Variants in THSD7B observed in about 807,000 individuals in gnomAD.
THSD7B encodes the protein thrombospondin type-1 domain-containing protein 7B.
In THSD7B, 138 loss-of-function variants were observed where a neutral mutation model predicts 213.6. That is an observed-to-expected ratio of 0.65 (90% CI 0.56 to 0.74). The LOEUF (loss-of-function observed/expected upper bound fraction) is 0.74, where lower values mean the gene tolerates loss of function less well. Ranked by LOEUF, THSD7B falls within the 30% of genes least tolerant of loss-of-function variation. The probability of loss-of-function intolerance (pLI) is 0.00; values close to 1 mark genes in which losing one functional copy is unlikely to be tolerated. For missense variants in THSD7B, 1,931 were observed against 1,991.5 expected (o/e 0.97, Z 0.58); for synonymous variants, 742 against 687.0 (o/e 1.08, Z -1.25).
intron 19 of THSD7B, among the ~76,000 whole-genome samples, chr2:137,620,093 A>T (rs977332922): frequency 6.6e-6 from 1 of 152,228 alleles, no homozygotes; most frequent in African/African-American, 2.4e-5. Context: ...ACAAGAAAAA[A>T]AATAAACGGT....
intron 1 of THSD7B, among the ~76,000 whole-genome samples, chr2:136,804,346 A>G (rs1428300444): frequency 1.3e-5 from 2 of 151,816 alleles, no homozygotes; most frequent in African/African-American, 4.8e-5. Context: ...TTGTGGCTTC[A>G]TTCTTTAGCA....
At chr2:137,258,953 G>A (rs1331512470) in intron 10 of THSD7B, among the ~76,000 whole-genome samples, 1 of 151,948 alleles carries the variant, frequency 6.6e-6, no homozygotes, top group East Asian at 1.9e-4. Context: ...TTCTGTTCCT[G>A]CGTTAGTTTG....
chr2:137,249,993 T>C (rs898895749), intron 10 of THSD7B, among the ~76,000 whole-genome samples: 1 of 152,150 alleles, frequency 6.6e-6, no homozygotes, highest in Non-Finnish European at 1.5e-5. Flanking sequence ...GGCAACACAC[T>C]CCTCAAGGGA....
chr2:136,861,504 C>T (rs1401098440), intron 1 of THSD7B, among the ~76,000 whole-genome samples: 1 of 152,166 alleles, frequency 6.6e-6, no homozygotes, highest in Non-Finnish European at 1.5e-5. Flanking sequence ...CAGAAGAATG[C>T]AAGGACTTGC....
At chr2:137,110,866 A>G (rs967339784) in intron 4 of THSD7B, among the ~76,000 whole-genome samples, 2 of 152,194 alleles carry the variant, frequency 1.3e-5, no homozygotes, top group African/African-American at 4.8e-5. Flanking sequence ...AGACATGTTT[A>G]GATACACAAA....
chr2:137,152,404 G>A (rs956408911), intron 5 of THSD7B, among the ~76,000 whole-genome samples: 1 of 151,814 alleles, frequency 6.6e-6, no homozygotes, highest in African/African-American at 2.4e-5. Flanking sequence ...AATTTTTCTT[G>A]CAAATACAAA....
At chr2:136,853,676 G>A (rs781262637) in intron 1 of THSD7B, among the ~76,000 whole-genome samples, 3 of 152,014 alleles carry the variant, frequency 2.0e-5, no homozygotes, top group Non-Finnish European at 2.9e-5. Flanking sequence ...ATCAGACTTG[G>A]CATTCATTGA....
chr2:137,008,621 T>A (rs1292250783), intron 2 of THSD7B, among the ~76,000 whole-genome samples: 1 of 152,186 alleles, frequency 6.6e-6, no homozygotes, highest in Admixed American at 6.6e-5. Context: ...TGTGTGTGTG[T>A]TTCTATTCAA....
chr2:136,971,843 A>G (rs540341198), intron 2 of THSD7B, among the ~76,000 whole-genome samples: 1 of 152,208 alleles, frequency 6.6e-6, no homozygotes, highest in South Asian at 2.1e-4. Context: ...CGAGATAGGG[A>G]AGCTACAGCC....
Position 137,411,810 on chromosome 2 carries a change from G to C in THSD7B, c.2897G>C (p.Arg966Pro). ...SKECGEGLRF[R>P]AVACSDKNGR... Reference sequence around the variant, plus strand: ...GAATGTGGAGAAGGCCTGCGCTTTCGAGCAGTAGCCTGTTCTGATAAAAAT... The same window carrying C: ...GAATGTGGAGAAGGCCTGCGCTTTCCAGCAGTAGCCTGTTCTGATAAAAAT... The change falls in exon 14 of 28, where the codon CGA becomes CCA. Residue 966 changes from arginine to proline, a missense_variant. Arg to Pro is a moderately radical substitution (Grantham distance 103). Coordinates refer to ENST00000409968, the MANE Select transcript of THSD7B (RefSeq NM_001316349.2). 1 of 1,613,922 alleles carries C rather than the reference G, an allele frequency of 6.2e-7. No individual in the cohort carries two copies. Among genetic ancestry groups the C allele is most frequent in the Non-Finnish European group, 8.5e-7 (1 of 1,179,878 alleles).
intron 2 of THSD7B, among the ~76,000 whole-genome samples, chr2:136,956,556 T>A (rs1032447926): frequency 3.1e-4 from 47 of 150,106 alleles, no homozygotes; most frequent in African/African-American, 1.1e-3. Context: ...CAGTGAGCCA[T>A]GCTCATGCTA....
intron 17 of THSD7B, among the ~76,000 whole-genome samples, chr2:137,590,051 G>A (rs1412210405): frequency 1.3e-5 from 2 of 151,704 alleles, no homozygotes; most frequent in East Asian, 3.9e-4. Flanking sequence ...TGGCCCTCCT[G>A]ATTTTTCTCT....
chr2:137,413,049 A>G (rs1361600660), intron 14 of THSD7B, among the ~76,000 whole-genome samples: 2 of 152,198 alleles, frequency 1.3e-5, no homozygotes, highest in Non-Finnish European at 2.9e-5. Context: ...TAAGTAAATG[A>G]TAGTTCTTCT....
Position 137,007,334 on chromosome 2 carries a change from T to C in THSD7B, c.140-49086T>C, listed in dbSNP as rs1686135079. 2.0e-5 allele frequency among the ~76,000 whole-genome samples: 3 copies of C among 152,176 alleles called. No homozygotes were observed. In the South Asian group the frequency reaches 6.2e-4, roughly 31 times the overall value. ...ATTTAGATGCCTAAATATACACTAA[T>C]TATCCACAGGGATGTTTAAATTACA... On this transcript the variant is annotated intron_variant, in intron 2 of 27. Coordinates refer to ENST00000409968, the MANE Select transcript of THSD7B (RefSeq NM_001316349.2).
chr2:136,985,317 G>A (rs1685652255), intron 2 of THSD7B, among the ~76,000 whole-genome samples: 1 of 152,184 alleles, frequency 6.6e-6, no homozygotes, highest in Non-Finnish European at 1.5e-5. Flanking sequence ...AGAGACCTCG[G>A]AGGAGAGAAT....
intron 12 of THSD7B, among the ~76,000 whole-genome samples, chr2:137,401,381 AG>A (rs1423510131): frequency 6.6e-6 from 1 of 152,154 alleles, no homozygotes; most frequent in African/African-American, 2.4e-5. Context: ...CTATTTCTTT[AG>A]TATTTTCATA....
At chr2:137,536,837 C>T (rs1680516433) in intron 15 of THSD7B, among the ~76,000 whole-genome samples, 2 of 151,536 alleles carry the variant, frequency 1.3e-5, no homozygotes, top group African/African-American at 4.8e-5. Context: ...TATTTATTGC[C>T]GCATAGAAAT....
intron 2 of THSD7B, among the ~76,000 whole-genome samples, chr2:137,015,226 G>A (rs980995574): frequency 6.6e-6 from 1 of 152,100 alleles, no homozygotes; most frequent in African/African-American, 2.4e-5. Flanking sequence ...GAGGACACGT[G>A]TCTCATTCTA....
At chr2:137,617,140 T>A (rs1682402696) in intron 18 of THSD7B, among the ~76,000 whole-genome samples, 1 of 152,246 alleles carries the variant, frequency 6.6e-6, no homozygotes, top group Non-Finnish European at 1.5e-5. Flanking sequence ...TGGGTAAAGA[T>A]GACCTGGTGT....
Sources: allele counts gnomAD v4.1 joint callset (sites outside exome capture counted in the v4.1 genomes callset), GRCh38; gene constraint gnomAD v4.1.1; transcripts MANE v1.5; gene names NCBI Gene and HGNC (gene_info 2026-07-23, HGNC 2026-07-21).